PITPNM2: variants seen among roughly 807,000 people sequenced by gnomAD.
The protein encoded by PITPNM2 is phosphatidylinositol transfer protein membrane associated 2, also known as membrane-associated phosphatidylinositol transfer protein 2.
In PITPNM2, 35 loss-of-function variants were observed where a neutral mutation model predicts 132.2. That is an observed-to-expected ratio of 0.26 (90% CI 0.20 to 0.35). PITPNM2 has a LOEUF of 0.35. PITPNM2 is among the 10% of genes least tolerant of loss of function. The pLI is 1.00. For missense variants in PITPNM2, 1,332 were observed against 1,912.0 expected (o/e 0.70, Z 5.66); for synonymous variants, 738 against 799.2 (o/e 0.92, Z 1.29).
In PITPNM2 at chr12:122,989,696, G is replaced by A. The variant is rs61061591; in HGVS notation, c.2731+91C>T. ...CCAGCCCCCAGCTCCCTGTTAGGCC[G>A]AAGCGGGGGTCTAGGTGGGCAGAGC... On this transcript the variant is annotated intron_variant, in intron 18 of 25. Transcript: ENST00000320201. The A allele has an allele frequency of 9.1e-3, 11,292 of 1,237,204 alleles. 739 individuals carry two copies. In the African/African-American group the frequency reaches 0.15, roughly 16 times the overall value. 76.6% of individuals were successfully genotyped at this position (1,237,204 alleles called of 1,614,324 possible).
At position 123,124,419 on chromosome 12, in the gene PITPNM2, G is replaced by A. The variant is rs186322720; in HGVS notation, c.-199-13931C>T. Reference sequence around the variant, plus strand: ...TGCACTCCAACCTGGGCAACAGAGCGAGACTCCATCTCAAAAAAAAAAATT... The same window carrying A: ...TGCACTCCAACCTGGGCAACAGAGCAAGACTCCATCTCAAAAAAAAAAATT... On this transcript the variant is annotated intron_variant, in intron 1 of 25. Transcript: ENST00000320201. Among the ~76,000 whole-genome samples, 855 of 151,660 alleles carry A rather than the reference G, an allele frequency of 5.6e-3. 7 individuals are homozygous for A. The highest frequency in any genetic ancestry group is 7.8e-3 in the Non-Finnish European group (531 of 67,912).
At chr12:123,129,276 T>C (rs574519312) in intron 1 of PITPNM2, among the ~76,000 whole-genome samples, 1 of 150,124 alleles carries the variant, frequency 6.7e-6, no homozygotes, top group South Asian at 2.1e-4. Context: ...TCTAAAAAAA[T>C]TAAATGGATA....
rs999051168 is a variant in PITPNM2, at chr12:123,083,914, T to C, written c.-96+26471A>G. On this transcript the variant is annotated intron_variant, in intron 2 of 25. Coordinates refer to ENST00000320201, the MANE Select transcript of PITPNM2 (RefSeq NM_020845.3). The surrounding 1 kb of genome is among the most constrained non-coding windows in gnomAD (Gnocchi z 4.5). The stretch of plus-strand genomic sequence containing the variant: ...CTCTGAAAACTCCTTCACCCATTTT[T>C]CTGAGCTTAACAAGCTTGGTGAATT... The C allele has an allele frequency of 6.6e-6, 1 of 152,288 alleles. No homozygotes were observed. The highest frequency in any genetic ancestry group is 2.4e-5 in the African/African-American group (1 of 41,464). The allele number at this position is 152,288 out of a possible 1,614,324, so 9.4% of individuals were successfully genotyped here. A position where few individuals can be genotyped will look rare whatever the true frequency, so the allele number is the denominator to read the frequency against.
Position 123,095,283 on chromosome 12 carries a change from C to T in PITPNM2, c.-96+15102G>A, listed in dbSNP as rs902131980. Among the ~76,000 whole-genome samples the T allele has an allele frequency of 3.3e-5, 5 of 152,162 alleles. No individual in the cohort carries two copies. Among genetic ancestry groups the T allele is most frequent in the African/African-American group, 9.6e-5 (4 of 41,452 alleles). The stretch of plus-strand genomic sequence containing the variant: ...TGCTGGACAGTCGCCCCTGTGGTGA[C>T]AGGGAGAGCTAAGCAAATCAGAACC... On this transcript the variant is annotated intron_variant, in intron 2 of 25. Coordinates refer to ENST00000320201, the MANE Select transcript of PITPNM2 (RefSeq NM_020845.3). The surrounding 1 kb of genome is among the most constrained non-coding windows in gnomAD (Gnocchi z 5.0).
chr12:123,034,302 A>G (rs1315148072), intron 3 of PITPNM2: 10 of 535,004 alleles, frequency 1.9e-5, no homozygotes, highest in Non-Finnish European at 3.3e-6. Flanking sequence ...ACAGTGCCGG[A>G]AAGCAATCTG....
intron 1 of PITPNM2, among the ~76,000 whole-genome samples, chr12:123,139,433 G>A (rs1383325410): frequency 6.6e-6 from 1 of 151,616 alleles, no homozygotes; most frequent in Non-Finnish European, 1.5e-5. Flanking sequence ...CCCGGGAGGC[G>A]GAGCTTGCAA....
rs1411299855 is a variant in PITPNM2, at chr12:123,005,947, A to T, written c.644-399T>A. 1 of 162,246 alleles carries T rather than the reference A, an allele frequency of 6.2e-6. No individual in the cohort carries two copies. Among genetic ancestry groups the T allele is most frequent in the African/African-American group, 2.4e-5 (1 of 41,584 alleles). 10.1% of individuals were successfully genotyped at this position (162,246 alleles called of 1,614,324 possible). A position where few individuals can be genotyped will look rare whatever the true frequency, so the allele number is the denominator to read the frequency against. ...ACCCTGTCTCTATAAAAAAAAAAAA[A>T]ATTAAAAAAAAAAATTAGCTGAGCA... On this transcript the variant is annotated intron_variant, in intron 6 of 25. Transcript: ENST00000320201. The surrounding 1 kb of genome is among the most constrained non-coding windows in gnomAD (Gnocchi z 6.2).
intron 2 of PITPNM2, among the ~76,000 whole-genome samples, chr12:123,085,645 T>A (rs1334858410): frequency 6.6e-6 from 1 of 152,032 alleles, no homozygotes; most frequent in East Asian, 1.9e-4. Context: ...CGCATAAAAG[T>A]GGTTAACACA....
chr12:123,021,978 G>T (rs1268115328), intron 3 of PITPNM2, among the ~76,000 whole-genome samples: 5 of 152,196 alleles, frequency 3.3e-5, no homozygotes, highest in African/African-American at 1.2e-4. Context: ...ATCATCCCAG[G>T]ATGCCACGCC....
chr12:123,114,507 C>A (rs560464928), intron 1 of PITPNM2, among the ~76,000 whole-genome samples: 1 of 150,106 alleles, frequency 6.7e-6, no homozygotes, highest in South Asian at 2.2e-4. Context: ...AGCCCAGTAA[C>A]GCCAGGAAAT....
intron 1 of PITPNM2, among the ~76,000 whole-genome samples, chr12:123,118,474 G>A (rs1385719693): frequency 1.3e-5 from 2 of 152,222 alleles, no homozygotes; most frequent in Non-Finnish European, 2.9e-5. Flanking sequence ...AAAAGCAAAT[G>A]AGTAAAATCT....
intron 1 of PITPNM2, among the ~76,000 whole-genome samples, chr12:123,126,175 C>G (rs1329968921): frequency 1.3e-5 from 2 of 152,010 alleles, no homozygotes; most frequent in African/African-American, 4.8e-5. Context: ...AGCCTAGGCT[C>G]TACCTTTTAA....
Position 123,008,813 on chromosome 12 carries a change from C to T in PITPNM2, c.643+1037G>A, listed in dbSNP as rs1160800271. Among the ~76,000 whole-genome samples the T allele has an allele frequency of 3.3e-5, 5 of 152,224 alleles. No individual in the cohort carries two copies. The highest frequency in any genetic ancestry group is 3.8e-4 in the East Asian group (2 of 5,200). Reference sequence around the variant, plus strand: ...CCCATCGAGGCCCTGTCCACGTCTTCGCTTCTCCAAGTGGAAGACCGCGTC... The same window carrying T: ...CCCATCGAGGCCCTGTCCACGTCTTTGCTTCTCCAAGTGGAAGACCGCGTC... On this transcript the variant is annotated intron_variant, in intron 6 of 25. Coordinates refer to ENST00000320201, the MANE Select transcript of PITPNM2 (RefSeq NM_020845.3). The surrounding 1 kb of genome is among the most constrained non-coding windows in gnomAD (Gnocchi z 4.1).
chr12:122,995,417 T>C lies in PITPNM2; in HGVS notation c.2026A>G (p.Ile676Val), dbSNP rs1405851692. 3 of 1,609,022 alleles carry C rather than the reference T, an allele frequency of 1.9e-6. No individual in the cohort carries two copies. The highest frequency in any genetic ancestry group is 2.5e-6 in the Non-Finnish European group (3 of 1,176,950). Residue 676 changes from isoleucine to valine, a missense_variant, in exon 14 of 26, where the codon ATC (isoleucine) becomes GTC (valine). Physicochemically the swap from Ile to Val is conservative, Grantham distance 29. Coordinates refer to ENST00000320201, the MANE Select transcript of PITPNM2 (RefSeq NM_020845.3). ...SDSSTYELDT[I>V]QQHQAFLSSL... ...GACAGGAAGGCCTGGTGCTGCTGGATGGTATCCAGCTCGTAGGTGGATGAG... is the reference window on the plus strand; with the variant it reads ...GACAGGAAGGCCTGGTGCTGCTGGACGGTATCCAGCTCGTAGGTGGATGAG...
intron 1 of PITPNM2, among the ~76,000 whole-genome samples, chr12:123,139,500 CAAAA>C (rs549346988): frequency 9.7e-6 from 1 of 102,580 alleles, no homozygotes; most frequent in Non-Finnish European, 2.0e-5. Context: ...GATTACCTCT[CAAAA>C]AAAAAAAAAA....
rs200640352 is a variant in PITPNM2 at position 123,013,917 on chromosome 12, G to A, written c.204C>T (p.His68=). ...GGATGGAGCGGAACCAGCTGGGAATGTGCATGCCCACATGATACACCTTGT... is the reference window on the plus strand; with the variant it reads ...GGATGGAGCGGAACCAGCTGGGAATATGCATGCCCACATGATACACCTTGT... The part of the protein sequence containing the change: ...YTHKVYHVGM[H]IPSWFRSILP... The change falls in exon 4 of 26, where the codon CAC becomes CAT. Residue 68 remains histidine (H), a synonymous_variant. Transcript: ENST00000320201. The A allele has an allele frequency of 1.2e-6, 2 of 1,614,284 alleles. No homozygotes were observed. The highest frequency in any genetic ancestry group is 1.7e-6 in the Non-Finnish European group (2 of 1,180,050).
At chr12:123,028,652 C>T (rs1472109295) in intron 3 of PITPNM2, among the ~76,000 whole-genome samples, 2 of 152,202 alleles carry the variant, frequency 1.3e-5, no homozygotes, top group Non-Finnish European at 2.9e-5. Context: ...TGAGGTATGA[C>T]TGACATACAA....
At chr12:123,110,679 A>G (rs2042817213) in intron 1 of PITPNM2, among the ~76,000 whole-genome samples, 191 bp from the exon 2 acceptor site, 1 of 152,202 alleles carries the variant, frequency 6.6e-6, no homozygotes, top group South Asian at 2.1e-4. Flanking sequence ...CTAACTCAGA[A>G]TTGGTGACAG....
intron 1 of PITPNM2, among the ~76,000 whole-genome samples, chr12:123,129,362 A>T (rs7955841): frequency 0.15 from 22,995 of 151,924 alleles, 5,241 homozygotes; most frequent in African/African-American, 0.5. Context: ...AGGTCAGGAG[A>T]TCGAGACCAT....
Sources: allele counts gnomAD v4.1 joint callset (sites outside exome capture counted in the v4.1 genomes callset), GRCh38; gene constraint gnomAD v4.1.1; non-coding constraint Gnocchi (gnomAD v3.1); transcripts MANE v1.5; gene names NCBI Gene and HGNC (gene_info 2026-07-23, HGNC 2026-07-21).